Variants in MTMR3 observed in about 807,000 individuals in gnomAD.
MTMR3 encodes the protein phosphatidylinositol-3,5-bisphosphate 3-phosphatase MTMR3.
Under a neutral mutation model 132.4 loss-of-function variants are expected in MTMR3, and 32 were observed. The ratio of observed to expected loss-of-function variants is 0.24; its 90% CI spans 0.18 to 0.32. The LOEUF (loss-of-function observed/expected upper bound fraction) is 0.32, where lower values mean the gene tolerates loss of function less well. Ranked by LOEUF, MTMR3 falls within the 10% of genes least tolerant of loss-of-function variation. The pLI is 1.00. For synonymous variants in MTMR3, 556 were observed against 550.3 expected (o/e 1.01, Z -0.14); for missense variants, 1,216 against 1,489.6 (o/e 0.82, Z 3.02).
Position 29,978,951 on chromosome 22 carries a change from C to T in MTMR3, c.109C>T (p.Leu37Phe). ...CATTTCGAAGGTTCCTTTCCTTGAA[C>T]TTCATGGAGAGAGCACAGAGTTTGT... ...DENLQVPFLELHGESTEFVGR... is the reference protein window; with the variant it reads ...DENLQVPFLEFHGESTEFVGR... Residue 37 changes from leucine (L) to phenylalanine (F), a missense_variant, in exon 5 of 20, where the codon CTT (leucine) becomes TTT (phenylalanine). Transcript: ENST00000401950. 6.2e-7 allele frequency: 1 copy of T among 1,612,646 alleles called. No homozygotes were observed. Among genetic ancestry groups the T allele is most frequent in the Non-Finnish European group, 8.5e-7 (1 of 1,179,060 alleles).
chr22:29,979,545 A>G (rs7284538), intron 5 of MTMR3: 34,386 of 208,238 alleles, frequency 0.17, 3,026 homozygotes, highest in South Asian at 0.24. Context: ...AGCAGCTCTT[A>G]TGCTTGATTT....
At chr22:29,914,997 C>T (rs1224153860) in intron 1 of MTMR3, among the ~76,000 whole-genome samples, 1 of 152,076 alleles carries the variant, frequency 6.6e-6, no homozygotes, top group Admixed American at 6.6e-5. Flanking sequence ...GGTCAGAGAA[C>T]ATACTCTATA....
In MTMR3 at chr22:30,009,140, G is replaced by A. The variant is rs1569047626; in HGVS notation, c.1121+11G>A. On this transcript the variant is annotated intron_variant, in intron 12 of 19. Coordinates refer to ENST00000401950, the MANE Select transcript of MTMR3 (RefSeq NM_021090.4). Reference sequence around the variant, plus strand: ...GCCAGATCCGGGAAAGTAAGTCCTTGGCCTTGGCTTTCATTTTGCATTGCT... The same window carrying A: ...GCCAGATCCGGGAAAGTAAGTCCTTAGCCTTGGCTTTCATTTTGCATTGCT... 6.4e-7 allele frequency: 1 copy of A among 1,566,282 alleles called. No individual in the cohort carries two copies. The highest frequency in any genetic ancestry group is 2.2e-5 in the East Asian group (1 of 44,644).
chr22:29,886,432 T>C (rs540888352), intron 1 of MTMR3, among the ~76,000 whole-genome samples: 1 of 152,324 alleles, frequency 6.6e-6, no homozygotes, highest in South Asian at 2.1e-4. Flanking sequence ...TAGTATAGAA[T>C]AGTGGGAAGT....
Position 30,019,861 on chromosome 22 carries a change from C to T in MTMR3, c.2202C>T (p.Ala734=), listed in dbSNP as rs1372100416. The T allele has an allele frequency of 1.9e-6, 3 of 1,614,096 alleles. No individual in the cohort carries two copies. The highest frequency in any genetic ancestry group is 1.7e-6 in the Non-Finnish European group (2 of 1,180,042). Residue 734 remains alanine, a synonymous_variant, in exon 17 of 20, where the codon GCC becomes GCT. Transcript: ENST00000401950. ...AGAGCAGGAGGAAGACACCTGAGGC[C>T]TCAGCCATTGGACTTCACCAAGACC... ...EKESRRKTPE[A]SAIGLHQDPE... is the part of the protein sequence containing the mutation.
chr22:29,910,319 G>C (rs1052444910), intron 1 of MTMR3, among the ~76,000 whole-genome samples: 1 of 152,174 alleles, frequency 6.6e-6, no homozygotes, highest in African/African-American at 2.4e-5. Context: ...TTACTGGAAA[G>C]GTAAATACTG....
chr22:29,942,224 G>A (rs1483817464), intron 1 of MTMR3, among the ~76,000 whole-genome samples: 1 of 151,962 alleles, frequency 6.6e-6, no homozygotes, highest in East Asian at 1.9e-4. Flanking sequence ...GTCACATGTC[G>A]GCAGCTTCCG....
chr22:30,018,098 C>T, intron 16 of MTMR3, 26 bp downstream of exon 16: 1 of 1,575,788 alleles, frequency 6.3e-7, no homozygotes, highest in Non-Finnish European at 8.6e-7. Context: ...TGCCACAGGC[C>T]TGACAGCCTG....
intron 3 of MTMR3, among the ~76,000 whole-genome samples, chr22:29,975,212 ATGTGGGTTATGTCTGTTTATACCAT>A (rs1434342285): frequency 6.6e-6 from 1 of 152,200 alleles, no homozygotes; most frequent in Non-Finnish European, 1.5e-5. Flanking sequence ...GGGTTTGTTT[ATGTGGGTTATGTCTGTTTATACCAT>A]ATTAGAAAAT....
intron 2 of MTMR3, among the ~76,000 whole-genome samples, chr22:29,959,541 G>A (rs1602568391): frequency 6.6e-6 from 1 of 151,804 alleles, no homozygotes; most frequent in South Asian, 2.1e-4. Flanking sequence ...ACCACTCCTG[G>A]CTAATTTTTG....
intron 1 of MTMR3, among the ~76,000 whole-genome samples, chr22:29,954,622 C>A (rs1259944282): frequency 6.6e-6 from 1 of 152,232 alleles, no homozygotes; most frequent in African/African-American, 2.4e-5. Context: ...TACACAAACA[C>A]TTCTGTATTA....
intron 1 of MTMR3, among the ~76,000 whole-genome samples, chr22:29,936,478 C>T (rs1250869591): frequency 1.3e-5 from 2 of 152,032 alleles, no homozygotes; most frequent in African/African-American, 4.8e-5. Flanking sequence ...GTACTAGATG[C>T]CAGTTCTGAG....
rs755820437 is a variant in MTMR3 at position 30,016,654 on chromosome 22, A to G, written c.1630A>G (p.Asn544Asp). The G allele has an allele frequency of 6.2e-7, 1 of 1,614,212 alleles. No homozygotes were observed. The highest frequency in any genetic ancestry group is 8.5e-7 in the Non-Finnish European group (1 of 1,180,034). The change falls in exon 15 of 20, where the codon AAC becomes GAC. Residue 544 changes from asparagine to aspartate, a missense_variant. Around this residue, in one of 7 missense-constraint regions of MTMR3, gnomAD observed 852 missense variants for 852.0 expected, o/e 1.00. Transcript: ENST00000401950. Reference protein sequence around the residue: ...CSVWSLLRAGNKAFKNLLYSS... With the variant: ...CSVWSLLRAGDKAFKNLLYSS... ...CGTGTGGTCACTTCTTCGGGCAGGC[A>G]ACAAGGCTTTCAAAAACCTACTGTA...
intron 1 of MTMR3, among the ~76,000 whole-genome samples, chr22:29,896,264 C>CT (rs2064893552): frequency 6.6e-6 from 1 of 152,140 alleles, no homozygotes; most frequent in Admixed American, 6.5e-5. Flanking sequence ...GAGCCCAGAT[C>CT]ACACCACTGC....
At position 30,018,285 on chromosome 22, in the gene MTMR3, A is replaced by G. The variant is rs1784619040; in HGVS notation, c.1820+213A>G. The G allele has an allele frequency of 2.1e-5, 11 of 528,412 alleles. No homozygotes were observed. The South Asian group carries it at 3.5e-4, about 17-fold the overall frequency. 32.7% of individuals were successfully genotyped at this position (528,412 alleles called of 1,614,324 possible). A position where few individuals can be genotyped will look rare whatever the true frequency, so the allele number is the denominator to read the frequency against. On this transcript the variant is annotated intron_variant, in intron 16 of 19. Coordinates refer to ENST00000401950, the MANE Select transcript of MTMR3 (RefSeq NM_021090.4). ...GGAGTGAGTTAGGCCCTGTTGCTTCATGTTGTTTTGCATACACTGAGCCGC... is the reference window on the plus strand; with the variant it reads ...GGAGTGAGTTAGGCCCTGTTGCTTCGTGTTGTTTTGCATACACTGAGCCGC...
intron 1 of MTMR3, among the ~76,000 whole-genome samples, chr22:29,897,614 G>A (rs1418453739): frequency 4.0e-5 from 6 of 150,562 alleles, no homozygotes; most frequent in South Asian, 2.1e-4. Context: ...CACCATGCCC[G>A]GCTAATTTTC....
intron 1 of MTMR3, among the ~76,000 whole-genome samples, chr22:29,956,043 C>T (rs5763638): frequency 0.35 from 53,778 of 151,832 alleles, 10,514 homozygotes; most frequent in East Asian, 0.72. Flanking sequence ...TGAGCCACCG[C>T]GCCTGGCCTT....
chr22:29,970,366 C>T (rs1185795204), intron 2 of MTMR3, among the ~76,000 whole-genome samples: 1 of 152,088 alleles, frequency 6.6e-6, no homozygotes. Context: ...CAGAGTCTTG[C>T]TCTGTTGCCC....
At chr22:29,895,335 T>C (rs1033672903) in intron 1 of MTMR3, among the ~76,000 whole-genome samples, 2 of 152,218 alleles carry the variant, frequency 1.3e-5, no homozygotes, top group African/African-American at 2.4e-5. Flanking sequence ...TCTTCATTTA[T>C]CAAAATAGGA....
Sources: gnomAD v4.1 joint callset for allele counts (sites outside exome capture counted in the v4.1 genomes callset) on GRCh38, gnomAD v4.1.1 for gene constraint, gnomAD v4.1.1 regional missense constraint, MANE v1.5 for transcripts, NCBI Gene and HGNC (gene_info 2026-07-23, HGNC 2026-07-21) for gene names.